VIT: variants seen among roughly 807,000 people sequenced by gnomAD.
The protein encoded by VIT is vitrin.
Under a neutral mutation model 78.0 loss-of-function variants are expected in VIT, and 99 were observed. The ratio of observed to expected loss-of-function variants is 1.27; its 90% CI spans 1.08 to 1.50. The LOEUF is 1.50. Ranked by LOEUF, VIT falls within the 40% of genes most tolerant of loss-of-function variation. The pLI, the probability that VIT is intolerant of heterozygous loss-of-function variation, is 0.00. For synonymous variants in VIT, 374 were observed against 334.3 expected (o/e 1.12, Z -1.29); for missense variants, 1,126 against 875.3 (o/e 1.29, Z -3.61).
chr2:36,772,910 C>T (rs749390165), intron 7 of VIT, among the ~76,000 whole-genome samples: 3 of 152,164 alleles, frequency 2.0e-5, no homozygotes, highest in Non-Finnish European at 2.9e-5. Context: ...CTCTCTTTCC[C>T]TTCCAAAGGC....
intron 7 of VIT, among the ~76,000 whole-genome samples, chr2:36,769,970 TC>T (rs1196589681): frequency 6.6e-6 from 1 of 152,246 alleles, no homozygotes; most frequent in Non-Finnish European, 1.5e-5. Context: ...GTCATGTTTT[TC>T]CTTCAAATGG....
At chr2:36,758,752 T>C (rs1211526127) in intron 5 of VIT, among the ~76,000 whole-genome samples, 1 of 152,230 alleles carries the variant, frequency 6.6e-6, no homozygotes, top group Non-Finnish European at 1.5e-5. Context: ...CATGGAGAGT[T>C]GGTTGCTTCC....
chr2:36,699,852 T>C (rs1664937734), intron 1 of VIT, among the ~76,000 whole-genome samples: 1 of 124,838 alleles, frequency 8.0e-6, no homozygotes, highest in Admixed American at 9.4e-5. Context: ...GTGCTATGGG[T>C]CATGTGGGTG....
At chr2:36,724,931 A>C (rs1666740779) in intron 2 of VIT, among the ~76,000 whole-genome samples, 1 of 152,244 alleles carries the variant, frequency 6.6e-6, no homozygotes, top group Admixed American at 6.5e-5. Context: ...GTATGTATTT[A>C]GTGCTTGTTT....
chr2:36,719,575 G>C (rs562928709), intron 2 of VIT, among the ~76,000 whole-genome samples: 21 of 103,398 alleles, frequency 2.0e-4, no homozygotes, highest in African/African-American at 6.7e-4. Context: ...ATTTACGATA[G>C]TATCAAAAAA....
At chr2:36,731,852 T>C (rs1386995720) in intron 3 of VIT, among the ~76,000 whole-genome samples, 2 of 152,220 alleles carry the variant, frequency 1.3e-5, no homozygotes, top group Non-Finnish European at 2.9e-5. Context: ...AGGCATTAAA[T>C]TTAGGTACCT....
At chr2:36,768,066 T>G (rs962930544) in intron 7 of VIT, among the ~76,000 whole-genome samples, 17 of 152,184 alleles carry the variant, frequency 1.1e-4, no homozygotes, top group Non-Finnish European at 2.4e-4. Flanking sequence ...TACTGCCACA[T>G]AGCATGACCC....
At chr2:36,759,216 C>T (rs1668962790) in intron 6 of VIT, 170 bp downstream of exon 6, 1 of 1,551,566 alleles carries the variant, frequency 6.4e-7, no homozygotes, top group South Asian at 1.2e-5. Context: ...GATCAGATGG[C>T]TGGGGCTGAA....
intron 8 of VIT, chr2:36,774,645 C>A (rs995683375): frequency 1.0e-6 from 1 of 985,296 alleles, no homozygotes; most frequent in South Asian, 4.7e-5. Flanking sequence ...CTGGTCAGGG[C>A]GAGCAGCTTC....
At chr2:36,762,914 A>G (rs776363461) in intron 6 of VIT, among the ~76,000 whole-genome samples, 1 of 152,142 alleles carries the variant, frequency 6.6e-6, no homozygotes, top group African/African-American at 2.4e-5. Flanking sequence ...ACCGCGCCCC[A>G]ACTGCCCTGG....
intron 1 of VIT, among the ~76,000 whole-genome samples, chr2:36,697,425 G>C (rs952254332): frequency 1.2e-4 from 19 of 152,228 alleles, no homozygotes; most frequent in Admixed American, 1.2e-3. Flanking sequence ...ACTTAAAAGA[G>C]AAACTATTTC....
intron 3 of VIT, among the ~76,000 whole-genome samples, chr2:36,732,460 G>A (rs1294807838): frequency 2.0e-5 from 3 of 152,254 alleles, no homozygotes; most frequent in East Asian, 1.9e-4. Context: ...CCCAAAACTC[G>A]GAGATATCTG....
At chr2:36,780,833 G>T (rs937721782) in intron 9 of VIT, among the ~76,000 whole-genome samples, 1 of 151,986 alleles carries the variant, frequency 6.6e-6, no homozygotes, top group Non-Finnish European at 1.5e-5. Flanking sequence ...AGGGAGGGAG[G>T]GGAGACATGG....
At chr2:36,742,989 G>A (rs1667924212) in intron 3 of VIT, 111 bp from the exon 4 acceptor site, 3 of 1,397,066 alleles carry the variant, frequency 2.1e-6, no homozygotes, top group East Asian at 2.4e-5. Context: ...TGTAGAGTCG[G>A]CCCAGGCTCT....
At chr2:36,746,679 G>T (rs890122858) in intron 4 of VIT, among the ~76,000 whole-genome samples, 14 of 151,830 alleles carry the variant, frequency 9.2e-5, no homozygotes, top group African/African-American at 3.4e-4. Flanking sequence ...GCATTTTTGG[G>T]TCTTCTTTCT....
chr2:36,806,360 A>T (rs188568652), intron 14 of VIT, among the ~76,000 whole-genome samples: 106 of 152,212 alleles, frequency 7.0e-4, no homozygotes, highest in African/African-American at 2.5e-3. Context: ...CACCACCTCA[A>T]ACTGATGACC....
intron 6 of VIT, among the ~76,000 whole-genome samples, chr2:36,765,723 G>A (rs566152508): frequency 6.6e-6 from 1 of 152,386 alleles, no homozygotes; most frequent in South Asian, 2.1e-4. Context: ...AATGCCAGCA[G>A]TCAGCAGAAA....
intron 6 of VIT, among the ~76,000 whole-genome samples, chr2:36,766,049 C>T (rs111565683): frequency 7.9e-5 from 12 of 152,224 alleles, no homozygotes; most frequent in East Asian, 3.9e-4. Flanking sequence ...TCCCTGAGAA[C>T]TCACAGTTCT....
At chr2:36,797,594 C>A (rs187191892) in intron 12 of VIT, among the ~76,000 whole-genome samples, 1 of 152,152 alleles carries the variant, frequency 6.6e-6, no homozygotes, top group African/African-American at 2.4e-5. Context: ...AAATATCTAA[C>A]CTGAGGTGCC....
Sources: allele counts gnomAD v4.1 joint callset (sites outside exome capture counted in the v4.1 genomes callset), GRCh38; gene constraint gnomAD v4.1.1; transcripts MANE v1.5; gene names NCBI Gene and HGNC (gene_info 2026-07-23, HGNC 2026-07-21).